Variants in EVC2 observed in about 807,000 individuals in gnomAD.
The protein encoded by EVC2 is limbin.
A neutral mutation model predicts 149.3 loss-of-function variants in EVC2; 148 were observed. The ratio of observed to expected loss-of-function variants is 0.99; its 90% CI spans 0.87 to 1.14. The LOEUF (loss-of-function observed/expected upper bound fraction) is 1.14, where lower values mean the gene tolerates loss of function less well. Among genes scored for constraint, EVC2 ranks in the 50% most tolerant of loss-of-function variants. EVC2 has a pLI of 0.00. For synonymous variants in EVC2, 776 were observed against 649.9 expected, an observed-to-expected ratio of 1.19 and a Z score of -2.95; for missense variants, 1,854 against 1,627.3, an observed-to-expected ratio of 1.14 and a Z score of -2.40.
rs771884323 is a variant in EVC2 at position 5,622,617 on chromosome 4, C to T, written c.2421G>A (p.Arg807=). The change falls in exon 14 of 22, where the codon AGG becomes AGA. Residue 807 remains arginine, a synonymous_variant. Transcript: ENST00000344408. This position sits in a 1 kb window ranked among gnomAD's most constrained non-coding sequence, Gnocchi z 5.8. ...DRDQEGVQSV[R]QRLKDDAPEA... ...CAGGAGCGTCATCCTTCAGTCTCTGCCTCACGCTCTGGACACCCTCCTGGT... is the reference window on the plus strand; with the variant it reads ...CAGGAGCGTCATCCTTCAGTCTCTGTCTCACGCTCTGGACACCCTCCTGGT... The T allele has an allele frequency of 2.5e-6, 4 of 1,613,932 alleles. No individual in the cohort carries two copies. The highest frequency in any genetic ancestry group is 3.4e-6 in the Non-Finnish European group (4 of 1,180,028).
intron 16 of EVC2, among the ~76,000 whole-genome samples, chr4:5,601,759 A>G (rs1713998554): frequency 6.6e-6 from 1 of 152,228 alleles, no homozygotes; most frequent in Non-Finnish European, 1.5e-5. Flanking sequence ...GAAACTAATA[A>G]AAGATGTGTT....
chr4:5,573,977 G>C (rs1044897365), intron 19 of EVC2, among the ~76,000 whole-genome samples: 2 of 152,222 alleles, frequency 1.3e-5, no homozygotes, highest in South Asian at 2.1e-4. Flanking sequence ...TCCTTGCTCT[G>C]AAAGTTATTG....
intron 9 of EVC2, among the ~76,000 whole-genome samples, chr4:5,643,621 T>C (rs528959647): frequency 2.7e-4 from 41 of 152,310 alleles, no homozygotes; most frequent in African/African-American, 9.1e-4. Flanking sequence ...CATTATTACA[T>C]ATAAAATATT....
downstream of EVC2, among the ~76,000 whole-genome samples, chr4:5,559,101 T>C (rs112873351): frequency 1.7e-3 from 254 of 152,156 alleles, 1 homozygote; most frequent in Non-Finnish European, 2.5e-3. This position sits in a 1 kb window ranked among gnomAD's most constrained non-coding sequence, Gnocchi z 5.0. Context: ...TCCCAGCTAC[T>C]TGGGAGGTTG....
chr4:5,681,383 C>A, intron 6 of EVC2, 70 bp from the exon 7 acceptor site: 3 of 1,495,898 alleles, frequency 2.0e-6, no homozygotes, highest in Non-Finnish European at 2.8e-6. Context: ...ACATTTGGTG[C>A]GATTTCCAAC....
At chr4:5,658,111 G>T (rs1026281962) in intron 9 of EVC2, among the ~76,000 whole-genome samples, 1 of 152,142 alleles carries the variant, frequency 6.6e-6, no homozygotes. Flanking sequence ...GTGTTTGCTT[G>T]TATACTCTCT....
chr4:5,562,961 G>A lies in EVC2; in HGVS notation c.3814C>T (p.Leu1272Phe), dbSNP rs767904125. 1.9e-6 allele frequency: 3 copies of A among 1,614,122 alleles called. No individual in the cohort carries two copies. Among genetic ancestry groups the A allele is most frequent in the Non-Finnish European group, 2.5e-6 (3 of 1,180,026 alleles). Residue 1272 changes from leucine to phenylalanine, a missense_variant, in exon 22 of 22, where the codon CTC becomes TTC. Transcript: ENST00000344408. The surrounding 1 kb of genome is among the most constrained non-coding windows in gnomAD (Gnocchi z 4.3). Reference sequence around the variant, plus strand: ...TCCTTTGGATTTCTGAATATAAAGAGCTTCTCTCCTGTGTTTAATAGATCA... The same window carrying A: ...TCCTTTGGATTTCTGAATATAAAGAACTTCTCTCCTGTGTTTAATAGATCA... ...TIDLLNTGEK[L>F]FIFRNPKEPE...
intron 1 of EVC2, among the ~76,000 whole-genome samples, chr4:5,707,320 C>A (rs1243350815): frequency 6.6e-6 from 1 of 152,116 alleles, no homozygotes; most frequent in African/African-American, 2.4e-5. Context: ...AGAGACTAAA[C>A]CTCTGCCAGT....
intron 5 of EVC2, 56 bp downstream of exon 5, chr4:5,689,101 A>G (rs1720924494): frequency 5.7e-6 from 9 of 1,590,346 alleles, no homozygotes; most frequent in Non-Finnish European, 7.7e-6. Flanking sequence ...TTCACCTGGA[A>G]GTATCTGTAC....
intron 9 of EVC2, among the ~76,000 whole-genome samples, chr4:5,650,638 T>TATAGAGAGAGAGAGAGAGAG (rs1162935817): frequency 2.2e-5 from 1 of 45,090 alleles, no homozygotes; most frequent in African/African-American, 8.9e-5. Context: ...TATATATATA[T>TATAGAGAGAGAGAGAGAGAG]AGAGAGAGAG....
At chr4:5,638,721 G>A (rs1351337916) in intron 10 of EVC2, among the ~76,000 whole-genome samples, 8 of 152,064 alleles carry the variant, frequency 5.3e-5, no homozygotes, top group Admixed American at 2.6e-4. Flanking sequence ...TATTTAGGTG[G>A]GACCTAAATT....
intron 19 of EVC2, among the ~76,000 whole-genome samples, chr4:5,568,961 C>G (rs59555564): frequency 6.6e-6 from 1 of 152,166 alleles, no homozygotes; most frequent in Non-Finnish European, 1.5e-5. Context: ...CTCCTCCTCA[C>G]ATTCTGTGAG....
At chr4:5,565,232 C>A in intron 21 of EVC2, 26 bp downstream of exon 21, 1 of 1,609,696 alleles carries the variant, frequency 6.2e-7, no homozygotes. Context: ...CCCTCCCCAG[C>A]CACATGAGCA....
intron 21 of EVC2, among the ~76,000 whole-genome samples, chr4:5,543,801 C>T (rs1271351714): frequency 1.3e-5 from 2 of 152,154 alleles, no homozygotes; most frequent in East Asian, 3.9e-4. Flanking sequence ...GGGGTTGGCA[C>T]CAGGGCTGCG....
chr4:5,590,055 G>T (rs909819589), intron 16 of EVC2, among the ~76,000 whole-genome samples: 3 of 152,138 alleles, frequency 2.0e-5, no homozygotes, highest in Non-Finnish European at 4.4e-5. Flanking sequence ...CAGGCATTCA[G>T]GAAGAGGAAC....
rs1397459562 is a variant in EVC2, at chr4:5,665,990, G to A, written c.871-341C>T. Among the ~76,000 whole-genome samples the A allele has an allele frequency of 5.9e-5, 9 of 152,158 alleles. No homozygotes were observed. In the South Asian group the frequency reaches 1.0e-3, roughly 18 times the overall value. On this transcript the variant is annotated intron_variant, in intron 7 of 21. Coordinates refer to ENST00000344408, the MANE Select transcript of EVC2 (RefSeq NM_147127.5). ...AATCCAAAGGAAGCACTAGGGATCC[G>A]TGACATTTTCTGAGAATCACAGGTA...
At chr4:5,590,019 G>T (rs1425992067) in intron 16 of EVC2, among the ~76,000 whole-genome samples, 2 of 152,166 alleles carry the variant, frequency 1.3e-5, no homozygotes, top group Admixed American at 6.5e-5. Flanking sequence ...GACAATATTG[G>T]CATTTGAAGC....
rs28390117 is a variant in EVC2 at position 5,566,570 on chromosome 4, G to A, written c.3558-1211C>T. 3.0e-3 allele frequency among the ~76,000 whole-genome samples: 461 copies of A among 152,256 alleles called. 1 individual carries two copies. The highest frequency in any genetic ancestry group is 0.01 in the African/African-American group (420 of 41,534). On this transcript the variant is annotated intron_variant, in intron 20 of 21. Coordinates refer to ENST00000344408, the MANE Select transcript of EVC2 (RefSeq NM_147127.5). Reference sequence around the variant, plus strand: ...AAGACTCATAACTGATGTAATGGCCGGATGCTAGCTGCTGGGGACACAAGA... The same window carrying A: ...AAGACTCATAACTGATGTAATGGCCAGATGCTAGCTGCTGGGGACACAAGA...
intron 7 of EVC2, among the ~76,000 whole-genome samples, chr4:5,675,084 C>G (rs1719904006): frequency 6.6e-6 from 1 of 152,200 alleles, no homozygotes; most frequent in South Asian, 2.1e-4. Context: ...GGGAAATTCT[C>G]ACATCATAGA....
Sources: gnomAD v4.1 joint callset for allele counts (sites outside exome capture counted in the v4.1 genomes callset) on GRCh38, gnomAD v4.1.1 for gene constraint, Gnocchi (gnomAD v3.1) non-coding constraint, MANE v1.5 for transcripts, NCBI Gene and HGNC (gene_info 2026-07-23, HGNC 2026-07-21) for gene names.